The following MYO1E variants were observed in gnomAD, a reference collection of about 807,000 sequenced individuals.
The protein encoded by MYO1E is myosin IE, also known as unconventional myosin-Ie.
Under a neutral mutation model 151.1 loss-of-function variants are expected in MYO1E, and 68 were observed. The observed-to-expected ratio is 0.45, with a 90% CI of 0.37 to 0.55. MYO1E has a LOEUF of 0.55. MYO1E is among the 20% of genes least tolerant of loss of function. The pLI, the probability that MYO1E is intolerant of heterozygous loss-of-function variation, is 0.00. For missense variants in MYO1E, 1,363 were observed against 1,389.3 expected (o/e 0.98, Z 0.30); for synonymous variants, 601 against 501.7 (o/e 1.20, Z -2.64).
At position 59,133,647 on chromosome 15, in the gene MYO1E, G is replaced by C. The variant is rs1284367641; in HGVS notation, c.*3733C>G. 1 of 152,170 alleles carries C rather than the reference G, an allele frequency of 6.6e-6. No individual in the cohort carries two copies. Among genetic ancestry groups the C allele is most frequent in the Non-Finnish European group, 1.5e-5 (1 of 68,050 alleles). The allele number at this position is 152,170 out of a possible 1,614,324, so 9.4% of individuals were successfully genotyped here. ...GGAAAGAGGGCAGAATTGCAGAAAGGCTCCTCTGGTCTTTCTTTTGATCAC... is the reference window on the plus strand; with the variant it reads ...GGAAAGAGGGCAGAATTGCAGAAAGCCTCCTCTGGTCTTTCTTTTGATCAC... On this transcript the variant is annotated 3_prime_UTR_variant, in exon 28 of 28. Coordinates refer to ENST00000288235, the MANE Select transcript of MYO1E (RefSeq NM_004998.4).
chr15:59,369,954 G>A (rs1433092672), intron 1 of MYO1E, among the ~76,000 whole-genome samples: 1 of 151,880 alleles, frequency 6.6e-6, no homozygotes, highest in Non-Finnish European at 1.5e-5. Context: ...CCCAGCCAAG[G>A]GCCTTCTTTT....
intron 1 of MYO1E, among the ~76,000 whole-genome samples, 155 bp downstream of exon 1, chr15:59,372,343 A>G (rs528884858): frequency 1.3e-5 from 2 of 152,236 alleles, no homozygotes; most frequent in East Asian, 1.9e-4. Flanking sequence ...GGTTTACGGA[A>G]AGCGGCAGGA....
intron 2 of MYO1E, among the ~76,000 whole-genome samples, chr15:59,269,343 A>G (rs537169645): frequency 2.8e-4 from 43 of 152,312 alleles, no homozygotes; most frequent in Middle Eastern, 3.4e-3. Context: ...CACCAAATCT[A>G]TGCAGAGCAA....
chr15:59,371,048 G>A (rs1296158817), intron 1 of MYO1E, among the ~76,000 whole-genome samples: 2 of 152,184 alleles, frequency 1.3e-5, no homozygotes, highest in East Asian at 1.9e-4. Flanking sequence ...AAAACTAGAA[G>A]AGGAAATGTA....
intron 9 of MYO1E, among the ~76,000 whole-genome samples, chr15:59,222,263 C>G (rs1283027868): frequency 6.6e-6 from 1 of 152,156 alleles, no homozygotes; most frequent in African/African-American, 2.4e-5. Context: ...AATTTATCAT[C>G]CTTAAAGAAT....
Position 59,210,562 on chromosome 15 carries a change from A to T in MYO1E, c.1314T>A (p.Ile438=). The change falls in exon 13 of 28, where the codon ATT becomes ATA. Residue 438 remains isoleucine, a synonymous_variant. Coordinates refer to ENST00000288235, the MANE Select transcript of MYO1E (RefSeq NM_004998.4). ...ATACGATTTTATTATTAAAGTACTC[A>T]ATGGGTGTCCATCTTATTCCCTCTT... is the stretch of plus-strand genomic sequence containing the variant. ...YVQEGIRWTP[I]EYFNNKIVCD... 1 of 1,606,088 alleles carries T rather than the reference A, an allele frequency of 6.2e-7. No individual in the cohort carries two copies. The highest frequency in any genetic ancestry group is 8.5e-7 in the Non-Finnish European group (1 of 1,172,606).
At chr15:59,360,358 G>T (rs1436480658) in intron 1 of MYO1E, among the ~76,000 whole-genome samples, 1 of 148,186 alleles carries the variant, frequency 6.7e-6, no homozygotes, top group Non-Finnish European at 1.5e-5. Context: ...CAACCAAGGG[G>T]AAAAAAAAAA....
intron 17 of MYO1E, among the ~76,000 whole-genome samples, chr15:59,191,472 G>T (rs1287708370): frequency 6.6e-6 from 1 of 151,950 alleles, no homozygotes; most frequent in African/African-American, 2.4e-5. Flanking sequence ...CTTTTCTCTA[G>T]TGAGAAAAAT....
In MYO1E at chr15:59,161,167, C is replaced by T; in HGVS notation, c.2691G>A (p.Val897=). The change falls in exon 24 of 28, where the codon GTG becomes GTA. Residue 897 remains valine, a synonymous_variant. Transcript: ENST00000288235. ...GGTCCCCAAACCCTTGGTGGAACTG[C>T]ACTTGCCGGGAGCCCCCTGCACTCC... The part of the protein sequence containing the change: ...GPWSAGGSRQ[V]QFHQGFGDLA... 1 of 1,614,078 alleles carries T rather than the reference C, an allele frequency of 6.2e-7. No individual in the cohort carries two copies. The highest frequency in any genetic ancestry group is 1.1e-5 in the South Asian group (1 of 91,078).
At chr15:59,320,210 T>C (rs866546033) in intron 1 of MYO1E, among the ~76,000 whole-genome samples, 7 of 152,300 alleles carry the variant, frequency 4.6e-5, no homozygotes, top group South Asian at 2.1e-4. Flanking sequence ...TGCTCATCCA[T>C]TGGAAGAATC....
At chr15:59,151,573 T>G (rs2084161) in intron 26 of MYO1E, among the ~76,000 whole-genome samples, 53,954 of 152,098 alleles carry the variant, frequency 0.35, 9,697 homozygotes, top group East Asian at 0.44. Flanking sequence ...CTGTGGTCTT[T>G]AGAAGGAAGC....
chr15:59,304,744 C>T (rs1487973578), intron 1 of MYO1E, among the ~76,000 whole-genome samples: 1 of 152,142 alleles, frequency 6.6e-6, no homozygotes, highest in African/African-American at 2.4e-5. Context: ...ACAGATCAAG[C>T]GGGACCTAAG....
chr15:59,260,148 G>A lies in MYO1E; in HGVS notation c.237+1272C>T, dbSNP rs1424751835. Among the ~76,000 whole-genome samples, 5 of 152,182 alleles carry A rather than the reference G, an allele frequency of 3.3e-5. 1 individual carries two copies. The highest frequency in any genetic ancestry group is 7.4e-5 in the Non-Finnish European group (5 of 68,026). On this transcript the variant is annotated intron_variant, in intron 3 of 27. Coordinates refer to ENST00000288235, the MANE Select transcript of MYO1E (RefSeq NM_004998.4). ...ATGGTCTAAAAGGGATGTGTATACA[G>A]CAACCCTTTTCAGAAAACTGGAGAG...
At chr15:59,214,819 C>T in intron 10 of MYO1E, 99 bp from the exon 11 acceptor site, 1 of 901,882 alleles carries the variant, frequency 1.1e-6, no homozygotes, top group South Asian at 1.3e-5. Flanking sequence ...ACGGCAAACA[C>T]TACTGCTTGC....
Position 59,284,355 on chromosome 15 carries a change from G to C in MYO1E, c.4-11906C>G, listed in dbSNP as rs551705214. Among the ~76,000 whole-genome samples, 15 of 152,344 alleles carry C rather than the reference G, an allele frequency of 9.8e-5. No individual in the cohort carries two copies. In the South Asian group the frequency reaches 2.7e-3, roughly 27 times the overall value. On this transcript the variant is annotated intron_variant, in intron 1 of 27. Transcript: ENST00000288235. ...CCAACTCAGGAGATCAAAGGGAAGA[G>C]ATATTGCCCCTAAACACAGTTCTCC...
intron 2 of MYO1E, 43 bp downstream of exon 2, chr15:59,272,261 CTG>C: frequency 1.2e-6 from 2 of 1,606,340 alleles, no homozygotes; most frequent in Non-Finnish European, 8.5e-7. Flanking sequence ...ACTGTGGACA[CTG>C]TAATATCACT....
intron 6 of MYO1E, among the ~76,000 whole-genome samples, chr15:59,229,538 C>T (rs2080012970): frequency 6.6e-6 from 1 of 152,206 alleles, no homozygotes; most frequent in African/African-American, 2.4e-5. Flanking sequence ...TAAAAGGTTG[C>T]ATTTGCATTT....
intron 1 of MYO1E, among the ~76,000 whole-genome samples, chr15:59,331,525 TAG>T (rs1209629147): frequency 2.6e-5 from 4 of 152,158 alleles, no homozygotes; most frequent in Non-Finnish European, 5.9e-5. Flanking sequence ...AAAGATCAGA[TAG>T]ACTCTCCTCT....
At chr15:59,220,398 G>A (rs1401676553) in intron 9 of MYO1E, among the ~76,000 whole-genome samples, 5 of 152,196 alleles carry the variant, frequency 3.3e-5, no homozygotes, top group Admixed American at 1.3e-4. Context: ...GCAGTGAGCC[G>A]AGATAGCGCC....
Sources: gnomAD v4.1 joint callset for allele counts (sites outside exome capture counted in the v4.1 genomes callset) on GRCh38, gnomAD v4.1.1 for gene constraint, MANE v1.5 for transcripts, NCBI Gene and HGNC (gene_info 2026-07-23, HGNC 2026-07-21) for gene names.